PTPRN2: variants seen among roughly 807,000 people sequenced by gnomAD.
PTPRN2 encodes protein tyrosine phosphatase receptor type N2, also known as receptor-type tyrosine-protein phosphatase N2.
Under a neutral mutation model 118.8 loss-of-function variants are expected in PTPRN2, and 74 were observed. The observed-to-expected ratio is 0.62, with a 90% CI of 0.52 to 0.76. The LOEUF is 0.76. Ranked by LOEUF, PTPRN2 falls within the 30% of genes least tolerant of loss-of-function variation. The probability of loss-of-function intolerance (pLI) is 0.00; values close to 1 mark genes in which losing one functional copy is unlikely to be tolerated. For synonymous variants in PTPRN2, 641 were observed against 608.0 expected (o/e 1.05, Z -0.80); for missense variants, 1,481 against 1,394.4 (o/e 1.06, Z -0.99).
At chr7:158,275,191 G>A (rs1563075663) in intron 3 of PTPRN2, among the ~76,000 whole-genome samples, 1 of 151,826 alleles carries the variant, frequency 6.6e-6, no homozygotes, top group Admixed American at 6.5e-5. Flanking sequence ...ACAGCACCGT[G>A]GCTGTGGGGA....
chr7:157,709,801 T>A (rs1351264047), intron 12 of PTPRN2, among the ~76,000 whole-genome samples: 1 of 152,102 alleles, frequency 6.6e-6, no homozygotes, highest in South Asian at 2.1e-4. Flanking sequence ...GATTTACACA[T>A]ACAAGTCGGA....
At chr7:158,134,443 A>AAATAATAAT (rs552689740) in intron 8 of PTPRN2, among the ~76,000 whole-genome samples, 1 of 151,890 alleles carries the variant, frequency 6.6e-6, no homozygotes, top group African/African-American at 2.4e-5. Context: ...AATGAACACT[A>AAATAATAAT]AATAATAATA....
At chr7:158,259,844 G>A (rs545923333) in intron 3 of PTPRN2, among the ~76,000 whole-genome samples, 1 of 150,692 alleles carries the variant, frequency 6.6e-6, no homozygotes, top group African/African-American at 2.5e-5. Context: ...ATGTGTTTGT[G>A]TGTCCATGTG....
chr7:157,771,873 C>T lies in PTPRN2; in HGVS notation c.1789-88936G>A, dbSNP rs1020108761. ...ACAGACACACACGGAGACACAGGCACACATGAACACACACAGACACAGACA... is the reference window on the plus strand; with the variant it reads ...ACAGACACACACGGAGACACAGGCATACATGAACACACACAGACACAGACA... On this transcript the variant is annotated intron_variant, in intron 12 of 22. Coordinates refer to ENST00000389418, the MANE Select transcript of PTPRN2 (RefSeq NM_002847.5). Among the ~76,000 whole-genome samples, 5 of 149,982 alleles carry T rather than the reference C, an allele frequency of 3.3e-5. No individual in the cohort carries two copies. In the South Asian group the frequency reaches 1.1e-3, roughly 32 times the overall value.
At chr7:158,143,361 G>A (rs1819569087) in intron 6 of PTPRN2, among the ~76,000 whole-genome samples, 1 of 152,196 alleles carries the variant, frequency 6.6e-6, no homozygotes, top group Admixed American at 6.5e-5. Flanking sequence ...AACCGGCACA[G>A]CTGCAGGGAG....
At chr7:158,450,022 G>A (rs1817992045) in intron 2 of PTPRN2, among the ~76,000 whole-genome samples, 2 of 152,186 alleles carry the variant, frequency 1.3e-5, no homozygotes, top group South Asian at 4.1e-4. Context: ...TGGAAGTCTG[G>A]GATGGGGGTG....
intron 1 of PTPRN2, among the ~76,000 whole-genome samples, chr7:158,530,531 A>AT (rs2129448695): frequency 6.6e-6 from 1 of 152,252 alleles, no homozygotes; most frequent in South Asian, 2.1e-4. Flanking sequence ...ACTTAAACAC[A>AT]TAGAGCAAGG....
At chr7:158,214,723 GACCATCTGGGAAGTTGAA>G (rs2150774740) in intron 3 of PTPRN2, among the ~76,000 whole-genome samples, 2 of 152,134 alleles carry the variant, frequency 1.3e-5, no homozygotes, top group African/African-American at 4.8e-5. Context: ...TGCCAGCAGA[GACCATCTGGGAAGTTGAA>G]ACTCCCACCC....
chr7:157,935,810 C>T (rs1173168049), intron 11 of PTPRN2, among the ~76,000 whole-genome samples: 1 of 150,240 alleles, frequency 6.7e-6, no homozygotes, highest in Non-Finnish European at 1.5e-5. Context: ...CCATCCTCAG[C>T]ATCTGTGTCA....
At chr7:157,967,360 G>A (rs185577479) in intron 11 of PTPRN2, among the ~76,000 whole-genome samples, 18 of 152,266 alleles carry the variant, frequency 1.2e-4, no homozygotes, top group Non-Finnish European at 1.8e-4. Context: ...AGTCCAGCCC[G>A]GGTCTCACTG....
intron 1 of PTPRN2, among the ~76,000 whole-genome samples, chr7:158,512,771 GAAA>G (rs759792909): frequency 6.6e-6 from 1 of 152,190 alleles, no homozygotes; most frequent in Non-Finnish European, 1.5e-5. Context: ...TGTAGTGTCA[GAAA>G]GGAAGGAAGT....
intron 11 of PTPRN2, among the ~76,000 whole-genome samples, chr7:157,995,996 A>G (rs62476599): frequency 0.15 from 23,112 of 152,222 alleles, 1,825 homozygotes; most frequent in Admixed American, 0.19. Flanking sequence ...CTATTCAGCC[A>G]TAAAAAAGGA....
intron 12 of PTPRN2, among the ~76,000 whole-genome samples, chr7:157,832,628 G>A (rs1295895114): frequency 6.6e-6 from 1 of 152,198 alleles, no homozygotes; most frequent in Non-Finnish European, 1.5e-5. Flanking sequence ...AAACACGAAG[G>A]AGCTGCACGT....
intron 4 of PTPRN2, among the ~76,000 whole-genome samples, chr7:158,193,987 G>C (rs1585807694): frequency 6.6e-6 from 1 of 152,056 alleles, no homozygotes; most frequent in South Asian, 2.1e-4. Flanking sequence ...TTGGGAAGTG[G>C]AGGCAGGAGG....
At chr7:157,708,970 C>G (rs1798465045) in intron 12 of PTPRN2, among the ~76,000 whole-genome samples, 1 of 152,230 alleles carries the variant, frequency 6.6e-6, no homozygotes, top group African/African-American at 2.4e-5. Flanking sequence ...AAAGAGATAA[C>G]TGTCACCTGG....
At chr7:157,726,251 C>T (rs1799591318) in intron 12 of PTPRN2, among the ~76,000 whole-genome samples, 1 of 148,664 alleles carries the variant, frequency 6.7e-6, no homozygotes. Flanking sequence ...CAGACCCTCA[C>T]CTCCCAGGAA....
intron 2 of PTPRN2, among the ~76,000 whole-genome samples, chr7:158,327,730 T>G (rs942623132): frequency 6.6e-6 from 1 of 152,184 alleles, no homozygotes; most frequent in East Asian, 1.9e-4. Context: ...GGACCCTGCC[T>G]CTCTCCCACT....
intron 6 of PTPRN2, among the ~76,000 whole-genome samples, chr7:158,151,506 T>TC (rs1821136091): frequency 1.4e-5 from 2 of 147,838 alleles, no homozygotes; most frequent in Non-Finnish European, 3.0e-5. Context: ...CGCCCGCCTT[T>TC]CTGCTCCTCA....
chr7:157,938,280 G>A (rs1177840366), intron 11 of PTPRN2, among the ~76,000 whole-genome samples: 1 of 152,244 alleles, frequency 6.6e-6, no homozygotes, highest in Non-Finnish European at 1.5e-5. Flanking sequence ...CAGTGGAGAT[G>A]CAGGGGAGAC....
Sources: gnomAD v4.1 joint callset for allele counts (sites outside exome capture counted in the v4.1 genomes callset) on GRCh38, gnomAD v4.1.1 for gene constraint, MANE v1.5 for transcripts, NCBI Gene and HGNC (gene_info 2026-07-23, HGNC 2026-07-21) for gene names.